Variants in AK8 observed in about 807,000 individuals in gnomAD.
AK8 encodes the protein adenylate kinase 8.
In AK8, 44 loss-of-function variants were observed where a neutral mutation model predicts 54.6. The ratio of observed to expected loss-of-function variants is 0.81; its 90% CI spans 0.63 to 1.04. AK8 has a LOEUF of 1.04. Ranked by LOEUF, AK8 falls within the 50% of genes least tolerant of loss-of-function variation. The pLI, the probability that AK8 is intolerant of heterozygous loss-of-function variation, is 0.00. For missense variants in AK8, 555 were observed against 613.6 expected (o/e 0.90, Z 1.01); for synonymous variants, 239 against 245.6 (o/e 0.97, Z 0.25).
chr9:132,856,196 G>C (rs1302271040), intron 4 of AK8, among the ~76,000 whole-genome samples: 1 of 152,232 alleles, frequency 6.6e-6, no homozygotes, highest in African/African-American at 2.4e-5. Context: ...ATGGGAAGTA[G>C]AAATACATTC....
chr9:132,758,251 A>G (rs909895421), intron 11 of AK8, among the ~76,000 whole-genome samples: 1 of 152,228 alleles, frequency 6.6e-6, no homozygotes, highest in Non-Finnish European at 1.5e-5. Context: ...GGAGCCACAC[A>G]TACGGCATGT....
chr9:132,835,072 G>GT (rs1564428955), intron 5 of AK8, among the ~76,000 whole-genome samples: 1 of 152,106 alleles, frequency 6.6e-6, no homozygotes, highest in East Asian at 1.9e-4. Flanking sequence ...GGGTTTCCCC[G>GT]TGTTAGCCAG....
intron 5 of AK8, among the ~76,000 whole-genome samples, chr9:132,852,601 C>T (rs1843006977): frequency 7.4e-6 from 1 of 135,846 alleles, no homozygotes; most frequent in South Asian, 2.7e-4. Flanking sequence ...CAGAGCAAGA[C>T]TCCATCTCAA....
At chr9:132,731,972 A>C (rs180734474) in intron 11 of AK8, among the ~76,000 whole-genome samples, 72 of 152,320 alleles carry the variant, frequency 4.7e-4, no homozygotes, top group African/African-American at 1.5e-3. Context: ...AGTAATATGC[A>C]TTTATATATT....
At chr9:132,768,303 T>C (rs147341010) in intron 11 of AK8, among the ~76,000 whole-genome samples, 2,259 of 151,864 alleles carry the variant, frequency 0.015, 60 homozygotes, top group African/African-American at 0.052. Context: ...GTTTCGCTCT[T>C]GTTGCCCAGG....
At chr9:132,757,285 C>A (rs145049322) in intron 11 of AK8, among the ~76,000 whole-genome samples, 17 of 152,052 alleles carry the variant, frequency 1.1e-4, no homozygotes, top group Non-Finnish European at 2.4e-4. Flanking sequence ...AGGATGGGCT[C>A]CCCCCGTCAC....
chr9:132,802,511 G>A (rs1166553838), intron 10 of AK8, among the ~76,000 whole-genome samples: 2 of 152,182 alleles, frequency 1.3e-5, no homozygotes, highest in African/African-American at 4.8e-5. Context: ...CTTGTGCCAG[G>A]AGCAGCCAGA....
rs115700474 is a variant in AK8 at position 132,773,930 on chromosome 9, C to T, written c.1121+18704G>A. ...GAAGAAACACCATGAGTAAAAACTC[C>T]GTGTTTAGGAAACAGGAAGTGGGTA... On this transcript the variant is annotated intron_variant, in intron 11 of 12. Coordinates refer to ENST00000298545, the MANE Select transcript of AK8 (RefSeq NM_152572.3). 5.3e-3 allele frequency among the ~76,000 whole-genome samples: 804 copies of T among 152,242 alleles called. 12 individuals carry two copies. The highest frequency in any genetic ancestry group is 0.018 in the African/African-American group (756 of 41,524).
chr9:132,747,780 C>A (rs1837725138), intron 11 of AK8, among the ~76,000 whole-genome samples: 1 of 146,890 alleles, frequency 6.8e-6, no homozygotes, highest in African/African-American at 2.5e-5. Flanking sequence ...TTTTTTTTTA[C>A]AATGAGACTG....
chr9:132,826,905 T>C lies in AK8; in HGVS notation c.706A>G (p.Ile236Val). The C allele has an allele frequency of 1.2e-6, 2 of 1,614,104 alleles. No individual in the cohort carries two copies. The highest frequency in any genetic ancestry group is 1.3e-5 in the African/African-American group (1 of 75,014). Residue 236 changes from isoleucine (I) to valine (V), a missense_variant, in exon 8 of 13, where the codon ATC (isoleucine) becomes GTC (valine). Transcript: ENST00000298545. This position sits in a 1 kb window ranked among gnomAD's most constrained non-coding sequence, Gnocchi z 4.5. The stretch of plus-strand genomic sequence containing the variant: ...TGGTCAGCACTGATGACTTTGAGGA[T>C]TTTGGGGTAGGAGGGAATGACCCTG... ...IVRVIPSYPKILKVISADQPC... is the reference protein window; with the variant it reads ...IVRVIPSYPKVLKVISADQPC...
chr9:132,873,611 G>A (rs189626995), intron 2 of AK8, among the ~76,000 whole-genome samples: 6 of 151,972 alleles, frequency 3.9e-5, no homozygotes, highest in Admixed American at 2.0e-4. Flanking sequence ...TTCCCTTTGC[G>A]GTCCATTCTT....
At chr9:132,828,350 T>G (rs1160097506) in intron 6 of AK8, among the ~76,000 whole-genome samples, 1 of 152,214 alleles carries the variant, frequency 6.6e-6, no homozygotes. Context: ...AACGCCACAA[T>G]GGGCATCTCT....
At chr9:132,774,022 C>T (rs894466229) in intron 11 of AK8, among the ~76,000 whole-genome samples, 2 of 152,118 alleles carry the variant, frequency 1.3e-5, no homozygotes, top group African/African-American at 4.8e-5. Flanking sequence ...TGGGGCCCCC[C>T]TCTTCCCTTG....
intron 11 of AK8, among the ~76,000 whole-genome samples, chr9:132,761,275 T>C (rs1417293303): frequency 6.7e-6 from 1 of 148,804 alleles, no homozygotes; most frequent in Non-Finnish European, 1.5e-5. Context: ...TTTTCTTTTT[T>C]TTTTTTTTTG....
intron 11 of AK8, among the ~76,000 whole-genome samples, chr9:132,789,613 A>G (rs1357979034): frequency 6.6e-6 from 1 of 150,712 alleles, no homozygotes; most frequent in Non-Finnish European, 1.5e-5. Flanking sequence ...AAAAAAAAAA[A>G]AAAAAAAAAG....
At chr9:132,754,799 G>GTTTTTTTTTTTTTTTTTTTTTTT (rs202163458) in intron 11 of AK8, among the ~76,000 whole-genome samples, 2 of 144,002 alleles carry the variant, frequency 1.4e-5, no homozygotes, top group African/African-American at 2.6e-5. Flanking sequence ...TTTGTTTTTT[G>GTTTTTTTTTTTTTTTTTTTTTTT]GTTTTTTTTT....
chr9:132,873,293 C>T (rs996110690), intron 2 of AK8, among the ~76,000 whole-genome samples: 5 of 152,218 alleles, frequency 3.3e-5, no homozygotes, highest in Admixed American at 1.3e-4. Flanking sequence ...ACTGACCAGA[C>T]CAGAGTTTCA....
chr9:132,736,741 C>T (rs1022336710), intron 11 of AK8, among the ~76,000 whole-genome samples: 9 of 146,862 alleles, frequency 6.1e-5, no homozygotes, highest in East Asian at 4.1e-4. Flanking sequence ...GCAGAGGTTG[C>T]GCCACTGCAC....
chr9:132,814,501 G>A, intron 10 of AK8, 137 bp downstream of exon 10: 1 of 803,128 alleles, frequency 1.2e-6, no homozygotes, highest in Non-Finnish European at 1.9e-6. Context: ...CAGAGCCTTT[G>A]CTTACAAGAA....
Sources: allele counts gnomAD v4.1 joint callset (sites outside exome capture counted in the v4.1 genomes callset), GRCh38; gene constraint gnomAD v4.1.1; non-coding constraint Gnocchi (gnomAD v3.1); transcripts MANE v1.5; gene names NCBI Gene and HGNC (gene_info 2026-07-23, HGNC 2026-07-21).